BACH1: variants seen among roughly 807,000 people sequenced by gnomAD.
BACH1 encodes the protein transcription regulator protein BACH1.
Under a neutral mutation model 52.9 loss-of-function variants are expected in BACH1, and 35 were observed. The observed-to-expected ratio is 0.66, with a 90% confidence interval of 0.51 to 0.88. The LOEUF (loss-of-function observed/expected upper bound fraction) is 0.88, where lower values mean the gene tolerates loss of function less well. BACH1 is among the 40% of genes least tolerant of loss of function. BACH1 has a pLI of 0.00. For missense variants in BACH1, 808 were observed against 872.6 expected (o/e 0.93, Z 0.93); for synonymous variants, 321 against 319.6 (o/e 1.00, Z -0.05).
At chr21:29,329,446 A>G (rs781365170) in intron 3 of BACH1, 41 bp from the exon 4 acceptor site, 13 of 1,412,298 alleles carry the variant, frequency 9.2e-6, no homozygotes, top group Non-Finnish European at 6.6e-6. Flanking sequence ...CTATAATTAT[A>G]AAATACAGCA....
rs566494825 is a variant in BACH1 at position 29,326,846 on chromosome 21, A to C, written c.1022A>C (p.Gln341Pro). ...GGTGACTTGAATTTTGCTGGTATGC[A>C]AAACACAACAGTGTTAACAGAAAAG... ...QYGDLNFAGMQNTTVLTEKPL... is the reference protein window; with the variant it reads ...QYGDLNFAGMPNTTVLTEKPL... Residue 341 changes from glutamine to proline, a missense_variant, in exon 3 of 5, where the codon CAA becomes CCA. Gln to Pro is a moderately conservative substitution (Grantham distance 76). Coordinates refer to ENST00000286800, the MANE Select transcript of BACH1 (RefSeq NM_001186.4). 6.2e-7 allele frequency: 1 copy of C among 1,614,252 alleles called. No individual in the cohort carries two copies. The highest frequency in any genetic ancestry group is 1.3e-5 in the African/African-American group (1 of 75,064).
chr21:29,335,588 A>G (rs545399331), intron 4 of BACH1, among the ~76,000 whole-genome samples: 12 of 152,324 alleles, frequency 7.9e-5, no homozygotes, highest in African/African-American at 2.9e-4. Flanking sequence ...GAAAAGTTAA[A>G]TGAATGGGTA....
rs185369766 is a variant in BACH1 at position 29,351,410 on chromosome 21, T to C, written c.472+21717T>C. On this transcript the variant is annotated intron_variant, in intron 2 of 4. Transcript: ENST00000422809. ...TTGAGCTATTAATTTCAGAGAATCT[T>C]CCTTTGTGAAATAAGCATGCTTATG... Among the ~76,000 whole-genome samples the C allele has an allele frequency of 1.7e-3, 255 of 152,330 alleles. 2 individuals carry two copies. The highest frequency in any genetic ancestry group is 5.6e-3 in the African/African-American group (231 of 41,548).
At chr21:29,348,494 C>T (rs2089183649), downstream of BACH1, among the ~76,000 whole-genome samples, 1 of 152,134 alleles carries the variant, frequency 6.6e-6, no homozygotes, top group Non-Finnish European at 1.5e-5. Context: ...TTTCAGTTCC[C>T]CAAAGATGCC....
chr21:29,319,124 C>T (rs1048779268), intron 1 of BACH1, among the ~76,000 whole-genome samples: 3 of 152,146 alleles, frequency 2.0e-5, no homozygotes, highest in Non-Finnish European at 2.9e-5. Context: ...GAGGCATAAA[C>T]GAGAGAAACT....
At chr21:29,299,567 C>T (rs569251782) in intron 1 of BACH1, 4 of 152,368 alleles carry the variant, frequency 2.6e-5, no homozygotes, top group African/African-American at 9.6e-5. Flanking sequence ...GGAGTTTTGC[C>T]CACGCGTTGT....
downstream of BACH1, among the ~76,000 whole-genome samples, chr21:29,346,362 A>T (rs1199057417): frequency 3.3e-5 from 5 of 152,088 alleles, no homozygotes; most frequent in East Asian, 9.6e-4. Context: ...GTTAGTTTGG[A>T]TAGAGAAGTA....
chr21:29,309,676 A>C (rs896230588), intron 1 of BACH1, among the ~76,000 whole-genome samples: 2 of 152,186 alleles, frequency 1.3e-5, no homozygotes, highest in Non-Finnish European at 2.9e-5. Flanking sequence ...TTATCTTGAG[A>C]TCCTTATTAA....
At chr21:29,310,651 T>G (rs1466270034) in intron 1 of BACH1, among the ~76,000 whole-genome samples, 2 of 152,194 alleles carry the variant, frequency 1.3e-5, no homozygotes, top group African/African-American at 4.8e-5. Flanking sequence ...ACCAGAGGAT[T>G]GTGGTATCCT....
rs1181904097 is a variant in BACH1, at chr21:29,345,963, T to C, written c.*3130T>C. The C allele has an allele frequency of 1.3e-5, 2 of 152,608 alleles. No homozygotes were observed. Among genetic ancestry groups the C allele is most frequent in the African/African-American group, 2.4e-5 (1 of 41,452 alleles). The allele number at this position is 152,608 out of a possible 1,614,324, so 9.5% of individuals were successfully genotyped here. On this transcript the variant is annotated 3_prime_UTR_variant, in exon 5 of 5. Coordinates refer to ENST00000286800, the MANE Select transcript of BACH1 (RefSeq NM_001186.4). ...ATAATATAATTTTCTAACAATGCAATAAAACCACTAAACTTTTGTGTCCAT... is the reference window on the plus strand; with the variant it reads ...ATAATATAATTTTCTAACAATGCAACAAAACCACTAAACTTTTGTGTCCAT...
chr21:29,304,194 C>T (rs369872681), intron 1 of BACH1, among the ~76,000 whole-genome samples: 3 of 148,998 alleles, frequency 2.0e-5, no homozygotes, highest in African/African-American at 7.5e-5. Context: ...GGCGCGATCT[C>T]GGGTCACTGC....
rs183580093 is a variant in BACH1, at chr21:29,331,141, T to A, written c.1776+1448T>A. ...TTTGAATTAAACCCTTACCTGCCTT[T>A]AGAAGGAGTATAGCATTTTGAGCTT... is the stretch of plus-strand genomic sequence containing the variant. On this transcript the variant is annotated intron_variant, in intron 4 of 4. Transcript: ENST00000286800. 1.5e-3 allele frequency among the ~76,000 whole-genome samples: 236 copies of A among 152,322 alleles called. 4 individuals carry two copies. Among genetic ancestry groups the A allele is most frequent in the African/African-American group, 5.5e-3 (228 of 41,570 alleles).
intron 4 of BACH1, among the ~76,000 whole-genome samples, chr21:29,334,218 C>T (rs982065012): frequency 9.2e-5 from 14 of 152,042 alleles, no homozygotes; most frequent in African/African-American, 3.1e-4. Context: ...CTGCCTCGGC[C>T]TCCCGAGTAG....
At chr21:29,351,562 G>A in intron 2 of BACH1, 1 of 526,260 alleles carries the variant, frequency 1.9e-6, no homozygotes, top group South Asian at 1.4e-5. Flanking sequence ...TCTCATTTGA[G>A]CGTTTACTCT....
chr21:29,317,456 A>G (rs1335390832), intron 1 of BACH1, among the ~76,000 whole-genome samples: 3 of 152,234 alleles, frequency 2.0e-5, no homozygotes, highest in Non-Finnish European at 4.4e-5. Context: ...GTAGAAGTCC[A>G]GATAGTGGCC....
intron 2 of BACH1, among the ~76,000 whole-genome samples, chr21:29,356,609 T>C (rs546799437): frequency 6.1e-4 from 93 of 152,376 alleles, no homozygotes; most frequent in African/African-American, 2.2e-3. Flanking sequence ...CTTTGTATGG[T>C]AATTAATTAA....
chr21:29,341,330 C>T (rs1206782515), intron 4 of BACH1, among the ~76,000 whole-genome samples: 1 of 152,160 alleles, frequency 6.6e-6, no homozygotes, highest in Non-Finnish European at 1.5e-5. Context: ...GCAAACAGAA[C>T]AACACTGACT....
chr21:29,337,459 T>A (rs892492223), intron 4 of BACH1, among the ~76,000 whole-genome samples: 1 of 152,216 alleles, frequency 6.6e-6, no homozygotes, highest in Non-Finnish European at 1.5e-5. Flanking sequence ...TTTAGCAGTA[T>A]AGAGCTTTTG....
intron 2 of BACH1, chr21:29,351,863 A>G (rs1601375693): frequency 2.3e-6 from 1 of 442,322 alleles, no homozygotes; most frequent in Non-Finnish European, 4.7e-6. Flanking sequence ...ACTTGTGTTT[A>G]CTAGGGCCTG....
Sources: gnomAD v4.1 joint callset for allele counts (sites outside exome capture counted in the v4.1 genomes callset) on GRCh38, gnomAD v4.1.1 for gene constraint, MANE v1.5 for transcripts, NCBI Gene and HGNC (gene_info 2026-07-23, HGNC 2026-07-21) for gene names.